The following ZNRF2 variants were observed in gnomAD, a reference collection of about 807,000 sequenced individuals.
The protein encoded by ZNRF2 is E3 ubiquitin-protein ligase ZNRF2.
ZNRF2 carries 16 observed loss-of-function variants against 20.4 expected under a neutral mutation model. The observed-to-expected ratio is 0.79, with a 90% CI of 0.53 to 1.19. ZNRF2 has a LOEUF of 1.19. ZNRF2 is among the 50% of genes most tolerant of loss of function. ZNRF2 has a pLI of 0.00. For synonymous variants in ZNRF2, 178 were observed against 144.9 expected, an observed-to-expected ratio of 1.23 and a Z score of -1.64; for missense variants, 363 against 332.4, an observed-to-expected ratio of 1.09 and a Z score of -0.72.
At position 30,285,767 on chromosome 7, in the gene ZNRF2, G is replaced by C; in HGVS notation, c.410G>C (p.Gly137Ala). Reference sequence around the variant, plus strand: ...GACCGGCCGGTGGGCGGGAGCCCCGGCGGGCCGCGCCTGGTGATCGGCTCC... The same window carrying C: ...GACCGGCCGGTGGGCGGGAGCCCCGCCGGGCCGCGCCTGGTGATCGGCTCC... ...GRDRPVGGSP[G>A]GPRLVIGSLP... Residue 137 changes from glycine (G) to alanine (A), a missense_variant, in exon 1 of 5, where the codon GGC becomes GCC. Gly to Ala is a moderately conservative substitution (Grantham distance 60, BLOSUM62 0). Transcript: ENST00000323037. The C allele has an allele frequency of 6.7e-7, 1 of 1,489,134 alleles. No homozygotes were observed. Among genetic ancestry groups the C allele is most frequent in the Non-Finnish European group, 8.9e-7 (1 of 1,126,342 alleles). 92.2% of individuals were successfully genotyped at this position (1,489,134 alleles called of 1,614,324 possible). A position where few individuals can be genotyped will look rare whatever the true frequency, so the allele number is the denominator to read the frequency against.
chr7:30,344,294 G>A (rs974119652), intron 2 of ZNRF2, among the ~76,000 whole-genome samples: 2 of 151,086 alleles, frequency 1.3e-5, no homozygotes, highest in Non-Finnish European at 3.0e-5. Context: ...AATAACTGTG[G>A]TGTTTCTAAT....
intron 1 of ZNRF2, among the ~76,000 whole-genome samples, chr7:30,303,892 C>T (rs1799157092): frequency 6.6e-6 from 1 of 152,108 alleles, no homozygotes; most frequent in South Asian, 2.1e-4. Context: ...GGTTTTAAAC[C>T]ACTTAGGAAT....
intron 3 of ZNRF2, among the ~76,000 whole-genome samples, chr7:30,360,307 A>G (rs901693915): frequency 1.3e-5 from 2 of 152,238 alleles, no homozygotes; most frequent in Admixed American, 6.5e-5. Context: ...CCTTATCTCA[A>G]AGAATGTTCA....
intron 1 of ZNRF2, among the ~76,000 whole-genome samples, chr7:30,319,249 G>T (rs1431668055): frequency 6.6e-6 from 1 of 152,136 alleles, no homozygotes; most frequent in African/African-American, 2.4e-5. Context: ...GAACTGTACT[G>T]TTTTAAGAAT....
intron 2 of ZNRF2, among the ~76,000 whole-genome samples, chr7:30,341,516 GGTT>G (rs1199992476): frequency 6.6e-6 from 1 of 152,118 alleles, no homozygotes; most frequent in African/African-American, 2.4e-5. Flanking sequence ...TTGAGGAGCA[GGTT>G]GTTCAGTTTC....
intron 1 of ZNRF2, among the ~76,000 whole-genome samples, chr7:30,307,483 G>C (rs1206153947): frequency 1.3e-5 from 2 of 151,388 alleles, no homozygotes; most frequent in Non-Finnish European, 2.9e-5. Flanking sequence ...TGTTTGTTCT[G>C]TGTACATTAA....
At chr7:30,352,445 G>A (rs1799974226) in intron 2 of ZNRF2, among the ~76,000 whole-genome samples, 1 of 151,956 alleles carries the variant, frequency 6.6e-6, no homozygotes, top group Non-Finnish European at 1.5e-5. Flanking sequence ...TTCTTTTCCT[G>A]TAATCAGTAC....
chr7:30,297,942 G>A (rs1427950874), intron 1 of ZNRF2, among the ~76,000 whole-genome samples: 1 of 151,882 alleles, frequency 6.6e-6, no homozygotes, highest in Non-Finnish European at 1.5e-5. Flanking sequence ...CTAGCTTACT[G>A]CAGCCTTGAA....
At chr7:30,362,624 T>G (rs1800144043) in intron 4 of ZNRF2, among the ~76,000 whole-genome samples, 168 bp downstream of exon 4, 1 of 152,254 alleles carries the variant, frequency 6.6e-6, no homozygotes, top group Admixed American at 6.5e-5. Context: ...TGTATAATTC[T>G]AATTGTTGGC....
At chr7:30,328,498 A>G (rs1799586383) in intron 2 of ZNRF2, among the ~76,000 whole-genome samples, 1 of 152,206 alleles carries the variant, frequency 6.6e-6, no homozygotes, top group African/African-American at 2.4e-5. Context: ...AACTGTCTAT[A>G]AACATTCATA....
intron 3 of ZNRF2, among the ~76,000 whole-genome samples, chr7:30,361,152 G>GT (rs146172553): frequency 0.021 from 3,187 of 152,296 alleles, 77 homozygotes; most frequent in African/African-American, 0.062. Flanking sequence ...CACATCTGGA[G>GT]TATTTTATTT....
chr7:30,291,819 G>A (rs1206548002), intron 1 of ZNRF2, among the ~76,000 whole-genome samples: 1 of 152,200 alleles, frequency 6.6e-6, no homozygotes, highest in Non-Finnish European at 1.5e-5. Flanking sequence ...ACTAAGGGAT[G>A]AATATAGATT....
intron 1 of ZNRF2, among the ~76,000 whole-genome samples, chr7:30,320,874 A>C (rs1366183310): frequency 6.6e-6 from 1 of 152,148 alleles, no homozygotes; most frequent in African/African-American, 2.4e-5. Context: ...TTTGTTGCAT[A>C]ATGCCTTAGA....
At chr7:30,342,194 G>A (rs1799805998) in intron 2 of ZNRF2, among the ~76,000 whole-genome samples, 1 of 152,060 alleles carries the variant, frequency 6.6e-6, no homozygotes, top group Non-Finnish European at 1.5e-5. Context: ...TTGCCAGTCT[G>A]TGTCTTTTAA....
At chr7:30,319,366 A>G (rs1799431238) in intron 1 of ZNRF2, among the ~76,000 whole-genome samples, 1 of 152,208 alleles carries the variant, frequency 6.6e-6, no homozygotes. Context: ...TATATACATT[A>G]TAATCTTTAA....
At chr7:30,365,411 G>T (rs1800197568) in intron 4 of ZNRF2, among the ~76,000 whole-genome samples, 1 of 151,836 alleles carries the variant, frequency 6.6e-6, no homozygotes, top group South Asian at 2.1e-4. Flanking sequence ...TACTACATGG[G>T]CAGGGTGAAC....
chr7:30,318,115 G>A (rs866763397), intron 1 of ZNRF2, among the ~76,000 whole-genome samples: 2 of 152,164 alleles, frequency 1.3e-5, no homozygotes, highest in South Asian at 2.1e-4. Context: ...TGATTTTGGG[G>A]AAACTTGGAG....
intron 3 of ZNRF2, among the ~76,000 whole-genome samples, chr7:30,356,269 G>A (rs1461982375): frequency 1.4e-5 from 2 of 141,208 alleles, no homozygotes; most frequent in Non-Finnish European, 1.6e-5. Context: ...GAGTGATACA[G>A]GAAAAATTTG....
chr7:30,341,263 A>G (rs1799792141), intron 2 of ZNRF2, among the ~76,000 whole-genome samples: 1 of 150,938 alleles, frequency 6.6e-6, no homozygotes, highest in South Asian at 2.1e-4. Flanking sequence ...TTATTTATTT[A>G]TTGTCTTCTG....
Sources: gnomAD v4.1 joint callset for allele counts (sites outside exome capture counted in the v4.1 genomes callset) on GRCh38, gnomAD v4.1.1 for gene constraint, MANE v1.5 for transcripts, NCBI Gene and HGNC (gene_info 2026-07-23, HGNC 2026-07-21) for gene names.